CNTNAP5: variants seen among roughly 807,000 people sequenced by gnomAD.
CNTNAP5 encodes contactin associated protein family member 5, also known as contactin-associated protein-like 5.
A neutral mutation model predicts 150.2 loss-of-function variants in CNTNAP5; 72 were observed. The observed-to-expected ratio is 0.48, with a 90% confidence interval of 0.40 to 0.58. CNTNAP5 has a LOEUF of 0.58. Among genes scored for constraint, CNTNAP5 ranks in the 20% least tolerant of loss-of-function variants. CNTNAP5 has a pLI of 0.00. For missense variants in CNTNAP5, 1,636 were observed against 1,626.2 expected (o/e 1.01, Z -0.10); for synonymous variants, 672 against 619.8 (o/e 1.08, Z -1.25).
At chr2:124,721,922 G>T (rs1407463751) in intron 13 of CNTNAP5, among the ~76,000 whole-genome samples, 1 of 152,046 alleles carries the variant, frequency 6.6e-6, no homozygotes, top group Admixed American at 6.5e-5. Flanking sequence ...TCCCCTGAGT[G>T]TGCAGATGCC....
intron 1 of CNTNAP5, among the ~76,000 whole-genome samples, chr2:124,093,298 T>A (rs914384269): frequency 4.6e-5 from 7 of 152,204 alleles, no homozygotes; most frequent in African/African-American, 1.7e-4. Flanking sequence ...GAACTAAGAA[T>A]AGCTACCTGA....
chr2:124,082,274 G>A (rs1050264493), intron 1 of CNTNAP5, among the ~76,000 whole-genome samples: 5 of 149,188 alleles, frequency 3.4e-5, no homozygotes, highest in Admixed American at 1.4e-4. Flanking sequence ...GCATGAACCC[G>A]GGAGGCGGAG....
intron 12 of CNTNAP5, among the ~76,000 whole-genome samples, chr2:124,630,765 T>C (rs766235192): frequency 2.6e-5 from 4 of 152,082 alleles, no homozygotes; most frequent in African/African-American, 9.7e-5. Flanking sequence ...GGTATTCAAA[T>C]AGGAACAGAG....
At chr2:124,632,398 T>A (rs1677882855) in intron 12 of CNTNAP5, among the ~76,000 whole-genome samples, 1 of 152,198 alleles carries the variant, frequency 6.6e-6, no homozygotes, top group African/African-American at 2.4e-5. Context: ...ATCATGTCCT[T>A]TGCAGGGACA....
chr2:124,622,081 C>A (rs958011022), intron 12 of CNTNAP5, among the ~76,000 whole-genome samples: 13 of 152,090 alleles, frequency 8.5e-5, no homozygotes, highest in African/African-American at 3.1e-4. Context: ...TTAAGCCCAG[C>A]ATCCATTAGC....
At chr2:124,373,085 C>A (rs947488311) in intron 3 of CNTNAP5, among the ~76,000 whole-genome samples, 1 of 152,094 alleles carries the variant, frequency 6.6e-6, no homozygotes, top group African/African-American at 2.4e-5. Context: ...AGAACAGCCA[C>A]AGATGAAAAA....
At chr2:124,445,042 C>G (rs570493918) in intron 5 of CNTNAP5, among the ~76,000 whole-genome samples, 11 of 151,214 alleles carry the variant, frequency 7.3e-5, no homozygotes, top group African/African-American at 2.2e-4. Context: ...TAATACATTA[C>G]TTGTCACTGT....
At chr2:124,417,670 A>G (rs574736024) in intron 4 of CNTNAP5, 80 bp downstream of exon 4, 1 of 1,295,926 alleles carries the variant, frequency 7.7e-7, no homozygotes, top group African/African-American at 1.5e-5. Context: ...CTACATTGAG[A>G]TTGACAATCA....
At chr2:124,576,789 T>G (rs1028615094) in intron 11 of CNTNAP5, among the ~76,000 whole-genome samples, 8 of 152,226 alleles carry the variant, frequency 5.3e-5, no homozygotes, top group Non-Finnish European at 1.2e-4. Context: ...GTGATATCTA[T>G]GTCTTAAAAT....
intron 19 of CNTNAP5, among the ~76,000 whole-genome samples, chr2:124,834,088 C>A (rs1682774924): frequency 6.6e-6 from 1 of 152,098 alleles, no homozygotes; most frequent in Non-Finnish European, 1.5e-5. Context: ...CATGTATAAT[C>A]CTTTATGATA....
intron 1 of CNTNAP5, among the ~76,000 whole-genome samples, chr2:124,114,721 A>G (rs968652948): frequency 3.9e-5 from 6 of 152,018 alleles, no homozygotes; most frequent in Non-Finnish European, 7.4e-5. Flanking sequence ...TCAAAATTTC[A>G]TCAATAAATA....
intron 12 of CNTNAP5, among the ~76,000 whole-genome samples, chr2:124,641,817 C>T (rs1403656973): frequency 6.6e-6 from 1 of 152,134 alleles, no homozygotes; most frequent in African/African-American, 2.4e-5. Context: ...ATAAAAATTG[C>T]AGTTTTTTTC....
intron 13 of CNTNAP5, among the ~76,000 whole-genome samples, chr2:124,720,538 A>C (rs1680028462): frequency 6.6e-6 from 1 of 152,162 alleles, no homozygotes; most frequent in Non-Finnish European, 1.5e-5. Flanking sequence ...AAAAAAAATG[A>C]CTCAGAAAAT....
intron 1 of CNTNAP5, among the ~76,000 whole-genome samples, chr2:124,073,941 G>T (rs1308759304): frequency 6.6e-6 from 1 of 152,080 alleles, no homozygotes; most frequent in Non-Finnish European, 1.5e-5. Flanking sequence ...CAACCTAAGT[G>T]TCTATCAACA....
At chr2:124,552,263 C>T (rs1695644730) in intron 10 of CNTNAP5, among the ~76,000 whole-genome samples, 1 of 152,160 alleles carries the variant, frequency 6.6e-6, no homozygotes, top group Non-Finnish European at 1.5e-5. Context: ...TCTGCCCTCA[C>T]TGGAAATCTG....
chr2:124,284,157 G>A (rs1688087946), intron 3 of CNTNAP5, among the ~76,000 whole-genome samples: 1 of 152,178 alleles, frequency 6.6e-6, no homozygotes, highest in African/African-American at 2.4e-5. Flanking sequence ...GCCAAGCAGA[G>A]CTCTTGCCCT....
intron 3 of CNTNAP5, among the ~76,000 whole-genome samples, chr2:124,375,187 A>C (rs946206459): frequency 1.3e-5 from 2 of 152,086 alleles, no homozygotes; most frequent in African/African-American, 2.4e-5. Context: ...TGAAAATTTC[A>C]GGAGAGACAA....
At chr2:124,043,303 A>G (rs1404274543) in intron 1 of CNTNAP5, among the ~76,000 whole-genome samples, 2 of 152,164 alleles carry the variant, frequency 1.3e-5, no homozygotes, top group African/African-American at 2.4e-5. Context: ...GGACCTCACA[A>G]GACAGCTCAG....
intron 1 of CNTNAP5, among the ~76,000 whole-genome samples, chr2:124,216,565 G>A (rs1457634344): frequency 6.6e-6 from 1 of 151,908 alleles, no homozygotes; most frequent in Non-Finnish European, 1.5e-5. Context: ...ACAGTCCCCG[G>A]TGTGTGATAT....
Sources: gnomAD v4.1 joint callset for allele counts (sites outside exome capture counted in the v4.1 genomes callset) on GRCh38, gnomAD v4.1.1 for gene constraint, MANE v1.5 for transcripts, NCBI Gene and HGNC (gene_info 2026-07-23, HGNC 2026-07-21) for gene names.